The following EPC2 variants were observed in gnomAD, a reference collection of about 807,000 sequenced individuals.
EPC2 encodes enhancer of polycomb 2.
EPC2 carries 14 observed loss-of-function variants against 92.1 expected under a neutral mutation model. The ratio of observed to expected loss-of-function variants is 0.15; its 90% CI spans 0.10 to 0.24. EPC2 has a LOEUF of 0.24. Among genes scored for constraint, EPC2 ranks in the 10% least tolerant of loss-of-function variants. The probability of loss-of-function intolerance (pLI) is 1.00; values close to 1 mark genes in which losing one functional copy is unlikely to be tolerated. For synonymous variants in EPC2, 340 were observed against 334.7 expected (o/e 1.02, Z -0.17); for missense variants, 755 against 971.5 (o/e 0.78, Z 2.96).
Position 148,786,417 on chromosome 2 carries a change from G to A in EPC2, c.*40G>A, listed in dbSNP as rs374285570. 2.2e-5 allele frequency: 34 copies of A among 1,524,034 alleles called. No individual in the cohort carries two copies. The highest frequency in any genetic ancestry group is 3.1e-5 in the Non-Finnish European group (34 of 1,110,300). 94.4% of individuals were successfully genotyped at this position (1,524,034 alleles called of 1,614,324 possible). On this transcript the variant is annotated 3_prime_UTR_variant, in exon 14 of 14. Coordinates refer to ENST00000258484, the MANE Select transcript of EPC2 (RefSeq NM_015630.4). Reference sequence around the variant, plus strand: ...CTCTGACCTGTGCTGATGGTGTGCAGTCATTCATATTCCAGCTGAATGCAA... The same window carrying A: ...CTCTGACCTGTGCTGATGGTGTGCAATCATTCATATTCCAGCTGAATGCAA...
intron 2 of EPC2, among the ~76,000 whole-genome samples, chr2:148,713,297 C>A (rs182400254): frequency 2.6e-5 from 4 of 152,052 alleles, no homozygotes; most frequent in Non-Finnish European, 4.4e-5. Flanking sequence ...ATGATCATGA[C>A]CCAGTGTAGG....
intron 10 of EPC2, among the ~76,000 whole-genome samples, chr2:148,775,658 A>AATAAAATTAAATTTAATTT (rs1683619424): frequency 1.4e-5 from 2 of 138,594 alleles, no homozygotes; most frequent in Admixed American, 7.2e-5. Flanking sequence ...TCTTTAAATA[A>AATAAAATTAAATTTAATTT]AATTAAATAA....
At chr2:148,701,893 CTTA>C (rs1681893218) in intron 2 of EPC2, among the ~76,000 whole-genome samples, 1 of 152,030 alleles carries the variant, frequency 6.6e-6, no homozygotes, top group African/African-American at 2.4e-5. Context: ...TTTGACTCTA[CTTA>C]TTATAGATCT....
chr2:148,776,953 C>G (rs1683659183), intron 10 of EPC2, among the ~76,000 whole-genome samples: 1 of 149,260 alleles, frequency 6.7e-6, no homozygotes, highest in African/African-American at 2.4e-5. Context: ...CTTCACCTCC[C>G]AGGCGAAGCA....
intron 2 of EPC2, among the ~76,000 whole-genome samples, chr2:148,715,092 G>C (rs1387339985): frequency 6.8e-6 from 1 of 147,062 alleles, no homozygotes; most frequent in African/African-American, 2.6e-5. Flanking sequence ...GAAGTGCAGT[G>C]GCACGATCTC....
intron 2 of EPC2, among the ~76,000 whole-genome samples, chr2:148,701,670 G>A (rs1374360931): frequency 6.6e-6 from 1 of 152,084 alleles, no homozygotes; most frequent in Admixed American, 6.6e-5. Flanking sequence ...ATGTTCATGA[G>A]AGCTATTCGT....
intron 2 of EPC2, among the ~76,000 whole-genome samples, chr2:148,715,968 T>C (rs967070469): frequency 1.3e-5 from 2 of 152,212 alleles, no homozygotes; most frequent in African/African-American, 4.8e-5. Context: ...TCCAGGTATT[T>C]TATTATTTTT....
intron 10 of EPC2, among the ~76,000 whole-genome samples, chr2:148,776,601 A>G (rs922300743): frequency 1.3e-5 from 2 of 152,148 alleles, no homozygotes; most frequent in African/African-American, 2.4e-5. Flanking sequence ...CTGACTTCCT[A>G]TTCTAACCCA....
At chr2:148,766,720 G>C (rs1336500500) in intron 7 of EPC2, among the ~76,000 whole-genome samples, 1 of 152,234 alleles carries the variant, frequency 6.6e-6, no homozygotes, top group Non-Finnish European at 1.5e-5. Flanking sequence ...GATGCCTGCA[G>C]TAATACCCAG....
Position 148,743,674 on chromosome 2 carries a change from G to T in EPC2, c.366G>T (p.Glu122Asp). 6.2e-7 allele frequency: 1 copy of T among 1,601,950 alleles called. No homozygotes were observed. Among genetic ancestry groups the T allele is most frequent in the East Asian group, 2.3e-5 (1 of 44,354 alleles). The change falls in exon 3 of 14, where the codon GAG becomes GAT. Residue 122 changes from glutamate to aspartate, a missense_variant. Around this residue, in one of 4 missense-constraint regions of EPC2, gnomAD observed 509 missense variants for 607.7 expected, o/e 0.84. Transcript: ENST00000258484. ...ATTATGATATGGATTCAGAAGATGA[G>T]ACTTTATTAAATAGACTTAACAGAA... ...QPDYDMDSED[E>D]TLLNRLNRKM...
intron 1 of EPC2, among the ~76,000 whole-genome samples, chr2:148,673,881 T>C (rs1681204694): frequency 6.6e-6 from 1 of 152,210 alleles, no homozygotes; most frequent in African/African-American, 2.4e-5. Flanking sequence ...CCACCACGCC[T>C]GGCTTTCTGA....
At chr2:148,702,036 A>G (rs1029786257) in intron 2 of EPC2, among the ~76,000 whole-genome samples, 1 of 151,354 alleles carries the variant, frequency 6.6e-6, no homozygotes, top group Admixed American at 6.6e-5. Flanking sequence ...TATTGTTTTA[A>G]TGTCTGTTGG....
At chr2:148,710,116 T>C (rs868699718) in intron 2 of EPC2, among the ~76,000 whole-genome samples, 1 of 152,212 alleles carries the variant, frequency 6.6e-6, no homozygotes, top group South Asian at 2.1e-4. Context: ...AGGGGTAATA[T>C]CCAGAATCTA....
chr2:148,760,059 A>C (rs1011622102), intron 4 of EPC2, among the ~76,000 whole-genome samples: 1 of 152,160 alleles, frequency 6.6e-6, no homozygotes, highest in Non-Finnish European at 1.5e-5. Context: ...CCTGCTCAAC[A>C]TGGTGAAATC....
intron 2 of EPC2, among the ~76,000 whole-genome samples, chr2:148,703,343 A>G (rs1364964828): frequency 1.3e-5 from 2 of 151,930 alleles, no homozygotes; most frequent in Non-Finnish European, 2.9e-5. Flanking sequence ...TTTAAAAAGT[A>G]TGTTCTGGGG....
At chr2:148,707,705 T>A (rs1682034047) in intron 2 of EPC2, among the ~76,000 whole-genome samples, 1 of 151,684 alleles carries the variant, frequency 6.6e-6, no homozygotes, top group Non-Finnish European at 1.5e-5. Flanking sequence ...CACTCAAAAC[T>A]GCTCAACTAG....
chr2:148,759,565 A>G (rs1254229470), intron 4 of EPC2, among the ~76,000 whole-genome samples: 1 of 152,210 alleles, frequency 6.6e-6, no homozygotes, highest in East Asian at 1.9e-4. Context: ...CCAGACTTTA[A>G]TAATTGTACT....
chr2:148,716,330 T>G (rs1025018134), intron 2 of EPC2, among the ~76,000 whole-genome samples: 1 of 152,218 alleles, frequency 6.6e-6, no homozygotes, highest in Non-Finnish European at 1.5e-5. Flanking sequence ...TGCTTCCAGC[T>G]TTTGCCCATT....
At chr2:148,743,413 G>A (rs570017696) in intron 2 of EPC2, among the ~76,000 whole-genome samples, 18 of 151,878 alleles carry the variant, frequency 1.2e-4, no homozygotes, top group East Asian at 3.9e-4. Flanking sequence ...ATTTCTTAAC[G>A]TTTTTACTGT....
Sources: gnomAD v4.1 joint callset for allele counts (sites outside exome capture counted in the v4.1 genomes callset) on GRCh38, gnomAD v4.1.1 for gene constraint, gnomAD v4.1.1 regional missense constraint, MANE v1.5 for transcripts, NCBI Gene and HGNC (gene_info 2026-07-23, HGNC 2026-07-21) for gene names.